The following ADAMTSL3 variants were observed in gnomAD, a reference collection of about 807,000 sequenced individuals.
ADAMTSL3 encodes the protein ADAMTS like 3.
Under a neutral mutation model 201.7 loss-of-function variants are expected in ADAMTSL3, and 128 were observed. The observed-to-expected ratio is 0.63, with a 90% CI of 0.55 to 0.73. The LOEUF is 0.73. Among genes scored for constraint, ADAMTSL3 ranks in the 30% least tolerant of loss-of-function variants. ADAMTSL3 has a pLI of 0.00. For synonymous variants in ADAMTSL3, 738 were observed against 748.4 expected, an observed-to-expected ratio of 0.99 and a Z score of 0.23; for missense variants, 1,990 against 2,119.6, an observed-to-expected ratio of 0.94 and a Z score of 1.20.
At chr15:84,024,567 C>G (rs1022014113) in intron 26 of ADAMTSL3, among the ~76,000 whole-genome samples, 1 of 152,150 alleles carries the variant, frequency 6.6e-6, no homozygotes, top group Admixed American at 6.5e-5. Flanking sequence ...CTTGGATAAC[C>G]ATGGACATCA....
At chr15:83,707,393 G>A (rs973010342) in intron 3 of ADAMTSL3, among the ~76,000 whole-genome samples, 1 of 152,170 alleles carries the variant, frequency 6.6e-6, no homozygotes, top group African/African-American at 2.4e-5. Flanking sequence ...AAGAAAGGAA[G>A]AAGTTAATTC....
chr15:83,885,764 G>A (rs911250016), intron 10 of ADAMTSL3, among the ~76,000 whole-genome samples: 2 of 151,224 alleles, frequency 1.3e-5, no homozygotes, highest in Non-Finnish European at 2.9e-5. Context: ...TCGCTCTGTC[G>A]CCCAGGCTGG....
chr15:83,980,032 T>A (rs1014155003), intron 20 of ADAMTSL3, among the ~76,000 whole-genome samples: 2 of 152,208 alleles, frequency 1.3e-5, no homozygotes, highest in African/African-American at 4.8e-5. Flanking sequence ...ATACTGAGAT[T>A]AGTGAATACT....
rs1257415526 is a variant in ADAMTSL3, at chr15:83,991,135, C to T, written c.3894C>T (p.His1298=). The change falls in exon 23 of 30, where the codon CAC becomes CAT. Residue 1298 remains histidine (H), a synonymous_variant. Coordinates refer to ENST00000286744, the MANE Select transcript of ADAMTSL3 (RefSeq NM_207517.3). ...SVERNITKPE[H]NHLSVVVGGI... ...AAAGAAATATCACCAAACCAGAGCACAACCATCTGTCTGTTGTGGTTGGAG... is the reference window on the plus strand; with the variant it reads ...AAAGAAATATCACCAAACCAGAGCATAACCATCTGTCTGTTGTGGTTGGAG... 3.7e-6 allele frequency: 6 copies of T among 1,614,124 alleles called. No homozygotes were observed. The highest frequency in any genetic ancestry group is 5.1e-6 in the Non-Finnish European group (6 of 1,180,042).
In ADAMTSL3 at chr15:83,795,951, C is replaced by CA. The variant is rs529959353; in HGVS notation, c.318-8697dup. Among the ~76,000 whole-genome samples, 8 of 151,902 alleles carry CA rather than the reference C, an allele frequency of 5.3e-5. No individual in the cohort carries two copies. The South Asian group carries it at 1.7e-3, about 32-fold the overall frequency. ...TGCGAGGAGTAAGCACCAGCAGGCACAACATTGATGATATAAGAGAGAAAA... is the reference window on the plus strand; with the variant it reads ...TGCGAGGAGTAAGCACCAGCAGGCACAAACATTGATGATATAAGAGAGAAAA... On this transcript the variant is annotated intron_variant, in intron 4 of 29. Coordinates refer to ENST00000286744, the MANE Select transcript of ADAMTSL3 (RefSeq NM_207517.3).
At chr15:83,736,329 A>G (rs568493588) in intron 3 of ADAMTSL3, among the ~76,000 whole-genome samples, 3 of 152,344 alleles carry the variant, frequency 2.0e-5, no homozygotes, top group East Asian at 3.9e-4. Context: ...AAGACAAGAC[A>G]CGGACTTTGG....
intron 8 of ADAMTSL3, among the ~76,000 whole-genome samples, chr15:83,866,752 A>T (rs1160340186): frequency 6.6e-6 from 1 of 152,212 alleles, no homozygotes; most frequent in African/African-American, 2.4e-5. Flanking sequence ...TAAAACTTAA[A>T]GTATAATAAA....
intron 16 of ADAMTSL3, among the ~76,000 whole-genome samples, chr15:83,923,103 G>A (rs938255502): frequency 2.6e-5 from 4 of 152,106 alleles, no homozygotes; most frequent in African/African-American, 9.7e-5. Context: ...TTCACAAGGA[G>A]CAGTCTTGTA....
Position 83,775,775 on chromosome 15 carries a change from C to T in ADAMTSL3, c.317+2125C>T, listed in dbSNP as rs540971219. 2.0e-5 allele frequency among the ~76,000 whole-genome samples: 3 copies of T among 152,282 alleles called. No homozygotes were observed. The South Asian group carries it at 6.2e-4, about 32-fold the overall frequency. On this transcript the variant is annotated intron_variant, in intron 4 of 29. Coordinates refer to ENST00000286744, the MANE Select transcript of ADAMTSL3 (RefSeq NM_207517.3). ...CTCCCAAATTCCTTGGGATTTCTTG[C>T]GTCCAATTCCCTTGAAATGTGCTAT...
In ADAMTSL3 at chr15:83,773,652, TTAG is replaced by T; in HGVS notation, c.317+4_317+6del. Reference sequence around the variant, plus strand: ...TCTGCGGAGATGTTTGACTGGAAGGTTAGTGGTGGCTTCACTTGCTCCTGCATG... The same window carrying T: ...TCTGCGGAGATGTTTGACTGGAAGGTTGGTGGCTTCACTTGCTCCTGCATG... On this transcript the variant is annotated splice_donor_5th_base_variant and intron_variant, in intron 4 of 29. Transcript: ENST00000286744. 1 of 1,606,650 alleles carries T rather than the reference TTAG, an allele frequency of 6.2e-7. No homozygotes were observed. Among genetic ancestry groups the T allele is most frequent in the South Asian group, 1.1e-5 (1 of 88,920 alleles).
intron 19 of ADAMTSL3, among the ~76,000 whole-genome samples, chr15:83,953,219 C>T (rs2066789637): frequency 6.6e-6 from 1 of 152,084 alleles, no homozygotes; most frequent in South Asian, 2.1e-4. Context: ...TCTTTCCTTC[C>T]TTCCTGTTTT....
intron 3 of ADAMTSL3, among the ~76,000 whole-genome samples, chr15:83,729,571 T>C (rs2062233747): frequency 6.6e-6 from 1 of 152,054 alleles, no homozygotes; most frequent in Admixed American, 6.6e-5. Flanking sequence ...GTCAATTGCA[T>C]TTTTCAGCTC....
intron 3 of ADAMTSL3, among the ~76,000 whole-genome samples, chr15:83,715,058 G>T (rs1033577955): frequency 5.3e-5 from 8 of 151,962 alleles, no homozygotes; most frequent in African/African-American, 1.9e-4. Flanking sequence ...AGGTGGGTGT[G>T]GTCAAACAGT....
At chr15:84,030,597 C>A (rs538696996) in intron 27 of ADAMTSL3, among the ~76,000 whole-genome samples, 1 of 152,194 alleles carries the variant, frequency 6.6e-6, no homozygotes, top group African/African-American at 2.4e-5. Flanking sequence ...AAGAGACTTG[C>A]CTTATTTCAG....
chr15:83,884,064 TG>T (rs2065337941), intron 9 of ADAMTSL3, among the ~76,000 whole-genome samples: 1 of 151,896 alleles, frequency 6.6e-6, no homozygotes, highest in Admixed American at 6.6e-5. Context: ...AGCTAATTTT[TG>T]TATTTTTTAG....
At chr15:83,763,726 C>T (rs1173101100) in intron 3 of ADAMTSL3, among the ~76,000 whole-genome samples, 1 of 152,148 alleles carries the variant, frequency 6.6e-6, no homozygotes, top group Non-Finnish European at 1.5e-5. Flanking sequence ...AGGATGATCT[C>T]AATCTCCTGA....
chr15:83,785,935 C>A (rs1417560960), intron 4 of ADAMTSL3, among the ~76,000 whole-genome samples: 2 of 152,070 alleles, frequency 1.3e-5, no homozygotes, highest in African/African-American at 4.8e-5. Context: ...CCTCTGCCTC[C>A]TAGATTCAAG....
chr15:84,027,440 G>A (rs763295585), intron 27 of ADAMTSL3, among the ~76,000 whole-genome samples: 18 of 152,074 alleles, frequency 1.2e-4, no homozygotes, highest in Non-Finnish European at 1.9e-4. Flanking sequence ...AATAAGAAAC[G>A]GAGGCCGGGC....
chr15:83,834,274 C>T (rs2064217590), intron 6 of ADAMTSL3, among the ~76,000 whole-genome samples: 1 of 151,950 alleles, frequency 6.6e-6, no homozygotes, highest in Admixed American at 6.6e-5. Flanking sequence ...ATCACTTAGA[C>T]TCATATTTCA....
Sources: gnomAD v4.1 joint callset for allele counts (sites outside exome capture counted in the v4.1 genomes callset) on GRCh38, gnomAD v4.1.1 for gene constraint, MANE v1.5 for transcripts, NCBI Gene and HGNC (gene_info 2026-07-23, HGNC 2026-07-21) for gene names.